LAMA1: variants seen among roughly 807,000 people sequenced by gnomAD.
LAMA1 encodes laminin subunit alpha 1, also known as laminin subunit alpha-1.
Under a neutral mutation model 348.7 loss-of-function variants are expected in LAMA1, and 219 were observed. The ratio of observed to expected loss-of-function variants is 0.63; its 90% CI spans 0.56 to 0.70. The LOEUF (loss-of-function observed/expected upper bound fraction) is 0.70. Among genes scored for constraint, LAMA1 ranks in the 30% least tolerant of loss-of-function variants. The pLI is 0.00. For synonymous variants in LAMA1, 1,487 were observed against 1,491.0 expected, an observed-to-expected ratio of 1.00 and a Z score of 0.06; for missense variants, 3,744 against 3,888.0, an observed-to-expected ratio of 0.96 and a Z score of 0.99.
chr18:7,022,681 G>A (rs901749523), intron 19 of LAMA1, among the ~76,000 whole-genome samples: 1 of 152,210 alleles, frequency 6.6e-6, no homozygotes, highest in Admixed American at 6.5e-5. Flanking sequence ...ATTCAGCAGA[G>A]TGCCATAGGG....
At chr18:7,003,898 T>G (rs1324579592) in intron 29 of LAMA1, among the ~76,000 whole-genome samples, 3 of 152,246 alleles carry the variant, frequency 2.0e-5, no homozygotes, top group Non-Finnish European at 1.5e-5. Context: ...AGGATAAATT[T>G]TACTGGGATC....
In LAMA1 at chr18:6,978,246, T is replaced by C; in HGVS notation, c.6140A>G (p.Asn2047Ser). 1 of 1,614,236 alleles carries C rather than the reference T, an allele frequency of 6.2e-7. No homozygotes were observed. The change falls in exon 43 of 63, where the codon AAC (asparagine) becomes AGC (serine). Residue 2047 changes from asparagine to serine, a missense_variant. Asn to Ser is a conservative substitution (Grantham distance 46). Coordinates refer to ENST00000389658, the MANE Select transcript of LAMA1 (RefSeq NM_005559.4). ...CTGGTGTGTCTCTCGTAATGTGGTG[T>C]TGACCCTGGACAGGCTGGCAGATGT... Reference protein sequence around the residue: ...LNTSASLSRVNTTLRETHQLL... With the variant: ...LNTSASLSRVSTTLRETHQLL...
Position 7,010,375 on chromosome 18 carries a change from T to C in LAMA1, c.3698A>G (p.Tyr1233Cys), listed in dbSNP as rs146912301. The C allele has an allele frequency of 1.7e-5, 27 of 1,614,068 alleles. No individual in the cohort carries two copies. Among genetic ancestry groups the C allele is most frequent in the Non-Finnish European group, 2.1e-5 (25 of 1,180,012 alleles). The change falls in exon 26 of 63, where the codon TAT (tyrosine) becomes TGT (cysteine). Residue 1233 changes from tyrosine to cysteine, a missense_variant. Tyr to Cys is a radical substitution (Grantham distance 194). Transcript: ENST00000389658. ...QQFQGDQLMAYGGKLKYSVAF... is the reference protein window; with the variant it reads ...QQFQGDQLMACGGKLKYSVAF... ...CACGCTGTACTTCAGTTTGCCACCA[T>C]AGGCCATGAGCTATCAAATAATAAA...
At chr18:7,020,887 A>G (rs1472620656) in intron 19 of LAMA1, among the ~76,000 whole-genome samples, 1 of 152,074 alleles carries the variant, frequency 6.6e-6, no homozygotes, top group Non-Finnish European at 1.5e-5. Context: ...CACAGCTCCA[A>G]TCACACCCTG....
chr18:6,950,813 G>A lies in LAMA1; in HGVS notation c.8366C>T (p.Pro2789Leu), dbSNP rs1054841671. ...CCACTTGCCATCACTGAGCAGTGCA[G>A]GGTGAGAGACCTTTGTTCTGCCTTT... ...LGKGRTKVSH[P>L]ALLSDGKWHT... Residue 2789 changes from proline to leucine, a missense_variant, in exon 58 of 63, where the codon CCT becomes CTT. Physicochemically the swap from Pro to Leu is moderately conservative, Grantham distance 98. Coordinates refer to ENST00000389658, the MANE Select transcript of LAMA1 (RefSeq NM_005559.4). The A allele has an allele frequency of 1.9e-6, 3 of 1,614,148 alleles. No homozygotes were observed. The highest frequency in any genetic ancestry group is 2.7e-5 in the African/African-American group (2 of 75,042).
At chr18:7,107,251 T>C (rs1332741125) in intron 1 of LAMA1, among the ~76,000 whole-genome samples, 7 of 151,704 alleles carry the variant, frequency 4.6e-5, no homozygotes, top group Non-Finnish European at 1.0e-4. Flanking sequence ...CCTGAGTAGC[T>C]AGGACTACAG....
intron 3 of LAMA1, among the ~76,000 whole-genome samples, chr18:7,068,922 A>G (rs941140254): frequency 7.1e-6 from 1 of 141,182 alleles, no homozygotes; most frequent in Non-Finnish European, 1.5e-5. Context: ...TTCAGAACGG[A>G]CTTCCCTTTT....
chr18:7,046,331 TGCC>T lies in LAMA1; in HGVS notation c.802_804del (p.Gly268del). 6.2e-7 allele frequency: 1 copy of T among 1,611,114 alleles called. No homozygotes were observed. Among genetic ancestry groups the T allele is most frequent in the Non-Finnish European group, 8.5e-7 (1 of 1,178,054 alleles). ...CTAGCATGGCCATAGCAGATACACA[TGCC>T]TCCAACAGAAATGTCCTTTATTGAA... On this transcript the variant is annotated inframe_deletion, in exon 6 of 63. Transcript: ENST00000389658.
intron 51 of LAMA1, 98 bp from the exon 52 acceptor site, chr18:6,962,157 T>G: frequency 1.2e-6 from 1 of 820,000 alleles, no homozygotes; most frequent in South Asian, 1.4e-5. Context: ...CACAGTGGCT[T>G]ATGCCTGTAA....
chr18:7,001,571 A>G (rs2057807915), intron 30 of LAMA1, among the ~76,000 whole-genome samples: 1 of 152,334 alleles, frequency 6.6e-6, no homozygotes, highest in Admixed American at 6.5e-5. Flanking sequence ...AATAAAAAAC[A>G]GAAGATTCAG....
At chr18:7,107,810 TGA>T in intron 1 of LAMA1, among the ~76,000 whole-genome samples, 1 of 141,942 alleles carries the variant, frequency 7.0e-6, no homozygotes, top group East Asian at 2.2e-4. Flanking sequence ...GTCAGGAGAT[TGA>T]GACCGTCCTG....
Position 6,985,635 on chromosome 18 carries a change from C to T in LAMA1, c.5388G>A (p.Lys1796=). Residue 1796 remains lysine, a synonymous_variant, in exon 38 of 63, where the codon AAG becomes AAA. Transcript: ENST00000389658. ...GATTTTGTTCTTCTTGAACATGCAG[C>T]TTTTTATCCTGCAGCAGAAACGGCA... ...NANLREFSDK[K]LHVQEEQNLT... is the part of the protein sequence containing the mutation. 1 of 1,611,012 alleles carries T rather than the reference C, an allele frequency of 6.2e-7. No individual in the cohort carries two copies. The highest frequency in any genetic ancestry group is 1.3e-5 in the African/African-American group (1 of 74,960).
intron 29 of LAMA1, among the ~76,000 whole-genome samples, chr18:7,005,631 C>G (rs771382385): frequency 5.3e-5 from 8 of 152,152 alleles, no homozygotes; most frequent in Non-Finnish European, 8.8e-5. Flanking sequence ...CGCCTGTAAT[C>G]TCAGCTACTC....
Position 7,017,319 on chromosome 18 carries a change from A to G in LAMA1, c.2767T>C (p.Cys923Arg). 6.2e-6 allele frequency: 10 copies of G among 1,614,118 alleles called. No homozygotes were observed. The highest frequency in any genetic ancestry group is 6.8e-6 in the Non-Finnish European group (8 of 1,180,020). ...VCHLETGLCDCKPNVTGQQCD... is the reference protein window; with the variant it reads ...VCHLETGLCDRKPNVTGQQCD... ...TGCTGTCCAGTCACGTTTGGTTTGC[A>G]GTCACAGAGCCCGGTCTCAAGATGG... The change falls in exon 20 of 63, where the codon TGC (cysteine) becomes CGC (arginine). Residue 923 changes from cysteine to arginine, a missense_variant. Transcript: ENST00000389658.
intron 46 of LAMA1, among the ~76,000 whole-genome samples, chr18:6,973,904 C>T (rs542624063): frequency 1.3e-5 from 2 of 152,188 alleles, no homozygotes; most frequent in Non-Finnish European, 2.9e-5. Flanking sequence ...CTGAACCTCC[C>T]GAGTGGCTAG....
chr18:6,987,598 T>C (rs551977500), intron 36 of LAMA1, among the ~76,000 whole-genome samples: 75 of 152,340 alleles, frequency 4.9e-4, no homozygotes, highest in African/African-American at 1.8e-3. Context: ...CTTGCAGTGG[T>C]GGAGTATATC....
intron 6 of LAMA1, 111 bp from the exon 7 acceptor site, chr18:7,044,950 G>C (rs998149145): frequency 2.7e-5 from 22 of 817,658 alleles, no homozygotes; most frequent in Non-Finnish European, 4.7e-5. Context: ...CCTCACAACA[G>C]AGGATATATG....
At chr18:7,041,348 G>C (rs1447916890) in intron 9 of LAMA1, among the ~76,000 whole-genome samples, 2 of 151,186 alleles carry the variant, frequency 1.3e-5, no homozygotes, top group Non-Finnish European at 2.9e-5. Flanking sequence ...CTCAATTGAG[G>C]GTAAATGTCA....
chr18:6,961,956 A>G lies in LAMA1; in HGVS notation c.7441T>C (p.Cys2481Arg). 1 of 1,613,766 alleles carries G rather than the reference A, an allele frequency of 6.2e-7. No homozygotes were observed. Among genetic ancestry groups the G allele is most frequent in the African/African-American group, 1.3e-5 (1 of 75,058 alleles). ...ACAATGTTTCCTACCTCCAGTAAAC[A>G]GCCTTTTCTCACTCCATAGGAATTT... ...LRNSYGVRKG[C>R]LLEPIRSVSF... is the part of the protein sequence containing the mutation. The change falls in exon 52 of 63, where the codon TGT becomes CGT. Residue 2481 changes from cysteine (C) to arginine (R), a missense_variant. Transcript: ENST00000389658.
Sources: gnomAD v4.1 joint callset for allele counts (sites outside exome capture counted in the v4.1 genomes callset) on GRCh38, gnomAD v4.1.1 for gene constraint, MANE v1.5 for transcripts, NCBI Gene and HGNC (gene_info 2026-07-23, HGNC 2026-07-21) for gene names.